The following KAZN variants were observed in gnomAD, a reference collection of about 807,000 sequenced individuals.
KAZN encodes kazrin.
KAZN carries 40 observed loss-of-function variants against 87.4 expected under a neutral mutation model. The ratio of observed to expected loss-of-function variants is 0.46; its 90% CI spans 0.36 to 0.60. The LOEUF is 0.60. Ranked by LOEUF, KAZN falls within the 20% of genes least tolerant of loss-of-function variation. The pLI is 0.00. For synonymous variants in KAZN, 466 were observed against 458.3 expected (o/e 1.02, Z -0.22); for missense variants, 898 against 1,073.9 (o/e 0.84, Z 2.29).
chr1:14,536,813 C>T (rs1206846015), intron 2 of KAZN, among the ~76,000 whole-genome samples: 6 of 151,866 alleles, frequency 4.0e-5, no homozygotes, highest in Non-Finnish European at 5.9e-5. Flanking sequence ...ACCCGGGAGG[C>T]GGATGTTGCA....
intron 2 of KAZN, among the ~76,000 whole-genome samples, chr1:14,545,308 C>T (rs1446337199): frequency 6.6e-6 from 1 of 152,140 alleles, no homozygotes; most frequent in Non-Finnish European, 1.5e-5. Context: ...TAAAGAATGT[C>T]CTTTCTTCTC....
At chr1:13,918,111 C>T (rs1639927554) in intron 1 of KAZN, among the ~76,000 whole-genome samples, 1 of 152,176 alleles carries the variant, frequency 6.6e-6, no homozygotes, top group African/African-American at 2.4e-5. Flanking sequence ...TCAAGTCTTG[C>T]TATTTAAGAT....
At chr1:14,079,575 T>C (rs1417838565) in intron 1 of KAZN, among the ~76,000 whole-genome samples, 1 of 152,198 alleles carries the variant, frequency 6.6e-6, no homozygotes, top group Non-Finnish European at 1.5e-5. Flanking sequence ...ATTTTGTAAA[T>C]GGAAATACCA....
At chr1:14,210,334 G>A (rs897719565) in intron 2 of KAZN, among the ~76,000 whole-genome samples, 5 of 152,074 alleles carry the variant, frequency 3.3e-5, no homozygotes, top group African/African-American at 1.2e-4. Flanking sequence ...TGATTGTGAG[G>A]CTTCCCCAGC....
intron 2 of KAZN, among the ~76,000 whole-genome samples, chr1:14,239,317 G>T (rs758671383): frequency 6.6e-6 from 1 of 152,078 alleles, no homozygotes; most frequent in South Asian, 2.1e-4. Context: ...GGTTTACGTG[G>T]CATCATTTTC....
Position 14,799,751 on chromosome 1 carries a change from C to CT in KAZN, c.227-160924dup, listed in dbSNP as rs60547892. Among the ~76,000 whole-genome samples, 537 of 151,668 alleles carry CT rather than the reference C, an allele frequency of 3.5e-3. 5 individuals are homozygous for CT. Among genetic ancestry groups the CT allele is most frequent in the African/African-American group, 0.011 (463 of 41,362 alleles). On this transcript the variant is annotated intron_variant, in intron 1 of 14. Transcript: ENST00000376030. ...CTTTTACCCAGAAACCCCTTAAGAA[C>CT]TTTTTTTTTGGAAAAGTAGGCTTCA...
chr1:14,667,348 A>G (rs1428082305), intron 1 of KAZN, among the ~76,000 whole-genome samples: 1 of 152,148 alleles, frequency 6.6e-6, no homozygotes, highest in Non-Finnish European at 1.5e-5. Context: ...CGTCACCTTG[A>G]TGAGGGGACT....
intron 2 of KAZN, among the ~76,000 whole-genome samples, chr1:14,441,922 TTC>T (rs539622087): frequency 5.9e-4 from 90 of 152,282 alleles, no homozygotes; most frequent in African/African-American, 1.5e-3. Flanking sequence ...TCAAGTAACC[TTC>T]TGAGCCTTAA....
intron 1 of KAZN, among the ~76,000 whole-genome samples, chr1:14,887,685 G>A (rs1282346848): frequency 7.0e-6 from 1 of 143,306 alleles, no homozygotes; most frequent in Non-Finnish European, 1.5e-5. Flanking sequence ...TTTTTTTTGC[G>A]GTCGTGCTCC....
At chr1:14,225,547 CA>C (rs905097004) in intron 2 of KAZN, among the ~76,000 whole-genome samples, 46 of 151,882 alleles carry the variant, frequency 3.0e-4, no homozygotes, top group Non-Finnish European at 2.9e-5. Flanking sequence ...TCATTTGAAA[CA>C]AAAAAATAAG....
chr1:14,658,503 T>C (rs1361314339), intron 1 of KAZN, among the ~76,000 whole-genome samples: 3 of 152,126 alleles, frequency 2.0e-5, no homozygotes, highest in African/African-American at 7.2e-5. Flanking sequence ...AGAGCCTGGG[T>C]CCTAGAAAGT....
At chr1:14,839,226 C>T (rs1001348037) in intron 1 of KAZN, among the ~76,000 whole-genome samples, 13 of 152,170 alleles carry the variant, frequency 8.5e-5, no homozygotes, top group African/African-American at 2.4e-4. Context: ...CTGCAGTCTC[C>T]GGAGTGTTCT....
intron 2 of KAZN, among the ~76,000 whole-genome samples, chr1:14,360,647 G>C (rs1248516780): frequency 6.6e-6 from 1 of 151,296 alleles, no homozygotes; most frequent in Non-Finnish European, 1.5e-5. Context: ...CTTTTTCTTT[G>C]GTGTTATGCT....
chr1:14,619,654 C>T (rs12725163), intron 1 of KAZN, among the ~76,000 whole-genome samples: 29,509 of 152,166 alleles, frequency 0.19, 3,201 homozygotes, highest in East Asian at 0.26. Flanking sequence ...TTAACCACCC[C>T]ACACGGAAAC....
chr1:14,393,861 A>G (rs959920207), intron 2 of KAZN, among the ~76,000 whole-genome samples: 7 of 151,526 alleles, frequency 4.6e-5, no homozygotes, highest in Non-Finnish European at 8.8e-5. Flanking sequence ...AAAAAAAAAA[A>G]AGTCATGAAA....
At chr1:14,669,339 C>G (rs1022992674) in intron 1 of KAZN, among the ~76,000 whole-genome samples, 4 of 152,166 alleles carry the variant, frequency 2.6e-5, no homozygotes, top group Non-Finnish European at 5.9e-5. Context: ...TGCCAAACAT[C>G]CCACAATGAA....
intron 1 of KAZN, among the ~76,000 whole-genome samples, chr1:14,832,196 C>CA (rs559013790): frequency 0.03 from 3,577 of 120,836 alleles, 133 homozygotes; most frequent in African/African-American, 0.093. Context: ...AACTCCATCT[C>CA]AAAAAAAAAA....
intron 2 of KAZN, among the ~76,000 whole-genome samples, chr1:14,519,418 G>A (rs1267188576): frequency 6.6e-6 from 1 of 152,302 alleles, no homozygotes; most frequent in Admixed American, 6.5e-5. Flanking sequence ...GAGAAAAGCA[G>A]CCAAGAGCAG....
chr1:14,307,103 AGTGATGTTGACCCTTC>A (rs1229879598), intron 2 of KAZN, among the ~76,000 whole-genome samples: 37 of 152,166 alleles, frequency 2.4e-4, no homozygotes, highest in African/African-American at 8.0e-4. Context: ...GATTTCATAA[AGTGATGTTGACCCTTC>A]GTGGTCCCAC....
Sources: allele counts gnomAD v4.1 joint callset (sites outside exome capture counted in the v4.1 genomes callset), GRCh38; gene constraint gnomAD v4.1.1; transcripts MANE v1.5; gene names NCBI Gene and HGNC (gene_info 2026-07-23, HGNC 2026-07-21).